Variants in FBXO11 observed in about 807,000 individuals in gnomAD.
FBXO11 encodes F-box protein 11.
A neutral mutation model predicts 117.0 loss-of-function variants in FBXO11; 13 were observed. The observed-to-expected ratio is 0.11, with a 90% confidence interval of 0.07 to 0.18. The LOEUF (loss-of-function observed/expected upper bound fraction) is 0.18. FBXO11 is among the 10% of genes least tolerant of loss of function. The probability of loss-of-function intolerance (pLI) is 1.00; values close to 1 mark genes in which losing one functional copy is unlikely to be tolerated. For synonymous variants in FBXO11, 490 were observed against 380.5 expected (o/e 1.29, Z -3.35); for missense variants, 767 against 1,164.4 (o/e 0.66, Z 4.97).
rs113919306 is a variant in FBXO11, at chr2:47,890,787, G to C, written c.232+14702C>G. 6.7e-3 allele frequency among the ~76,000 whole-genome samples: 1,014 copies of C among 151,616 alleles called. 13 individuals carry two copies. Among genetic ancestry groups the C allele is most frequent in the African/African-American group, 0.023 (968 of 41,304 alleles). On this transcript the variant is annotated intron_variant, in intron 1 of 22. Coordinates refer to ENST00000403359, the MANE Select transcript of FBXO11 (RefSeq NM_001190274.2). ...CCACTGTGCTCCAGTCTGGGCGACA[G>C]AGCGAGACCCTGTCTAAAAAAAAGA...
chr2:47,869,692 A>G (rs1172760155), intron 1 of FBXO11, among the ~76,000 whole-genome samples: 1 of 152,262 alleles, frequency 6.6e-6, no homozygotes, highest in Non-Finnish European at 1.5e-5. Flanking sequence ...GAAGGTAGTT[A>G]TAAATACCAC....
At chr2:47,835,428 G>C (rs1447096669) in intron 5 of FBXO11, among the ~76,000 whole-genome samples, 1 of 152,158 alleles carries the variant, frequency 6.6e-6, no homozygotes. Flanking sequence ...TATTAATGGG[G>C]GGATATGTCA....
chr2:47,877,007 T>C (rs79903895), intron 1 of FBXO11, among the ~76,000 whole-genome samples: 10,758 of 151,986 alleles, frequency 0.071, 542 homozygotes, highest in Non-Finnish European at 0.11. Context: ...ATGTTCAGTC[T>C]AGTACACATC....
At chr2:47,901,362 C>G (rs917444528) in intron 1 of FBXO11, among the ~76,000 whole-genome samples, 1 of 151,642 alleles carries the variant, frequency 6.6e-6, no homozygotes, top group Non-Finnish European at 1.5e-5. Context: ...CACTTCAAAA[C>G]AGTCCTGTGA....
intron 1 of FBXO11, among the ~76,000 whole-genome samples, chr2:47,890,174 G>C (rs1677155919): frequency 6.6e-6 from 1 of 151,870 alleles, no homozygotes; most frequent in African/African-American, 2.4e-5. Flanking sequence ...CAGTATGTTG[G>C]TAGGCTGGTC....
At position 47,808,442 on chromosome 2, in the gene FBXO11, C is replaced by T. The variant is rs1670375302; in HGVS notation, c.2556-15G>A. On this transcript the variant is annotated splice_polypyrimidine_tract_variant and intron_variant, in intron 21 of 22. Transcript: ENST00000403359. The stretch of plus-strand genomic sequence containing the variant: ...AAGTATGACATCTAAAAAGCAAAAG[C>T]TTAAATTACTTTTCTCAAACATGTC... 6.4e-7 allele frequency: 1 copy of T among 1,563,190 alleles called. No individual in the cohort carries two copies. Among genetic ancestry groups the T allele is most frequent in the Non-Finnish European group, 8.6e-7 (1 of 1,158,404 alleles).
At chr2:47,874,569 C>T (rs945549403) in intron 1 of FBXO11, among the ~76,000 whole-genome samples, 1 of 152,256 alleles carries the variant, frequency 6.6e-6, no homozygotes, top group Middle Eastern at 3.4e-3. Flanking sequence ...GAGTCTTGCT[C>T]TGTTGCCCAG....
At chr2:47,892,258 AAAG>A (rs1167320820) in intron 1 of FBXO11, among the ~76,000 whole-genome samples, 4 of 152,248 alleles carry the variant, frequency 2.6e-5, no homozygotes, top group African/African-American at 9.6e-5. Flanking sequence ...AAGATATGTA[AAAG>A]AATAACAAAA....
intron 16 of FBXO11, among the ~76,000 whole-genome samples, chr2:47,815,476 C>T (rs1670943889): frequency 6.6e-6 from 1 of 152,128 alleles, no homozygotes; most frequent in Non-Finnish European, 1.5e-5. Context: ...AGGCAGGAAC[C>T]AGGAGGGAAG....
chr2:47,887,505 A>G (rs192392798), intron 1 of FBXO11, among the ~76,000 whole-genome samples: 1 of 152,134 alleles, frequency 6.6e-6, no homozygotes, highest in African/African-American at 2.4e-5. Context: ...AGGTGGGAGG[A>G]TCGCTTAAGG....
intron 1 of FBXO11, among the ~76,000 whole-genome samples, chr2:47,894,751 A>G (rs1488372547): frequency 6.6e-6 from 1 of 152,236 alleles, no homozygotes; most frequent in Non-Finnish European, 1.5e-5. Flanking sequence ...TCCAAAGTTT[A>G]AATCAATCAA....
rs777640905 is a variant in FBXO11, at chr2:47,905,608, TGCTGGGGCG to T, written c.104_112del (p.Pro35_Gln37del). On this transcript the variant is annotated inframe_deletion, in exon 1 of 23. Transcript: ENST00000403359. ...CGGAGGCTGCTGCTGGGGCGGCTGC[TGCTGGGGCG>T]GCTGCGGCGGCGGCTGCTGCGGGGG... 32 of 1,348,528 alleles carry T rather than the reference TGCTGGGGCG, an allele frequency of 2.4e-5. No homozygotes were observed. In the African/African-American group the frequency reaches 4.3e-4, roughly 18 times the overall value. The allele number at this position is 1,348,528 out of a possible 1,614,324, so 83.5% of individuals were successfully genotyped here. A position where few individuals can be genotyped will look rare whatever the true frequency, so the allele number is the denominator to read the frequency against.
intron 11 of FBXO11, 85 bp from the exon 12 acceptor site, chr2:47,823,445 C>T: frequency 9.8e-7 from 1 of 1,016,966 alleles, no homozygotes; most frequent in South Asian, 1.7e-5. Flanking sequence ...CAATGCATAT[C>T]TAAAAATTAA....
At chr2:47,886,932 G>A (rs139393227) in intron 1 of FBXO11, among the ~76,000 whole-genome samples, 4 of 152,170 alleles carry the variant, frequency 2.6e-5, no homozygotes, top group Admixed American at 1.3e-4. Context: ...CCAGCTAATC[G>A]AGAGGCAGAG....
chr2:47,903,193 T>C (rs77538446), intron 1 of FBXO11, among the ~76,000 whole-genome samples: 1 of 152,176 alleles, frequency 6.6e-6, no homozygotes, highest in Admixed American at 6.5e-5. Flanking sequence ...TGGCAACATC[T>C]TTATTATTTT....
intron 1 of FBXO11, among the ~76,000 whole-genome samples, chr2:47,895,230 T>C (rs905660540): frequency 2.0e-5 from 3 of 152,014 alleles, no homozygotes; most frequent in African/African-American, 7.2e-5. Context: ...ACTCCTGACA[T>C]CCAAACACAA....
intron 4 of FBXO11, among the ~76,000 whole-genome samples, chr2:47,837,665 CT>C (rs1558428799): frequency 6.6e-6 from 1 of 152,190 alleles, no homozygotes; most frequent in African/African-American, 2.4e-5. Flanking sequence ...GCCATATTTG[CT>C]TCCACTCATT....
chr2:47,854,551 G>A (rs1674120608), intron 1 of FBXO11, among the ~76,000 whole-genome samples: 1 of 151,982 alleles, frequency 6.6e-6, no homozygotes, highest in African/African-American at 2.4e-5. Flanking sequence ...CTGTATGACT[G>A]GACAAGTCAA....
chr2:47,841,007 G>C (rs1412451773), intron 1 of FBXO11, among the ~76,000 whole-genome samples: 8 of 152,056 alleles, frequency 5.3e-5, no homozygotes, highest in African/African-American at 1.9e-4. Context: ...GACCATCCTG[G>C]AAAACACAGT....
Sources: allele counts gnomAD v4.1 joint callset (sites outside exome capture counted in the v4.1 genomes callset), GRCh38; gene constraint gnomAD v4.1.1; transcripts MANE v1.5; gene names NCBI Gene and HGNC (gene_info 2026-07-23, HGNC 2026-07-21).